PTCHD4: variants seen among roughly 807,000 people sequenced by gnomAD.
PTCHD4 encodes the protein patched domain-containing protein 4.
A neutral mutation model predicts 58.1 loss-of-function variants in PTCHD4; 33 were observed. The ratio of observed to expected loss-of-function variants is 0.57; its 90% CI spans 0.43 to 0.76. The LOEUF (loss-of-function observed/expected upper bound fraction) is 0.76. Ranked by LOEUF, PTCHD4 falls within the 30% of genes least tolerant of loss-of-function variation. PTCHD4 has a pLI of 0.00. For synonymous variants in PTCHD4, 478 were observed against 409.6 expected, an observed-to-expected ratio of 1.17 and a Z score of -2.02; for missense variants, 1,058 against 1,027.1, an observed-to-expected ratio of 1.03 and a Z score of -0.41.
chr6:47,949,508 C>G (rs1174586152), intron 4 of PTCHD4, among the ~76,000 whole-genome samples: 2 of 152,148 alleles, frequency 1.3e-5, no homozygotes, highest in Admixed American at 6.6e-5. Context: ...AATGCAAAGC[C>G]ACAAGCGGGA....
intron 3 of PTCHD4, among the ~76,000 whole-genome samples, chr6:48,043,703 A>G (rs1763929119): frequency 6.6e-6 from 1 of 151,846 alleles, no homozygotes; most frequent in Non-Finnish European, 1.5e-5. Flanking sequence ...GCCACCAAAA[A>G]TAGGTGCCAA....
At chr6:47,954,003 C>A (rs1235863158) in intron 4 of PTCHD4, among the ~76,000 whole-genome samples, 1 of 152,130 alleles carries the variant, frequency 6.6e-6, no homozygotes, top group African/African-American at 2.4e-5. Flanking sequence ...ATCTCTTCCA[C>A]TTTACTACTG....
rs568210104 is a variant in PTCHD4, at chr6:47,903,552, C to T, written c.899-23616G>A. On this transcript the variant is annotated intron_variant, in intron 4 of 4. Transcript: ENST00000339488. The stretch of plus-strand genomic sequence containing the variant: ...CTAGTCTCAAACTCCTGGGCCCAAG[C>T]GATCTGGCTGCCTTGGCCTCCGAAG... Among the ~76,000 whole-genome samples the T allele has an allele frequency of 5.6e-4, 85 of 152,142 alleles. 2 individuals are homozygous for T. In the South Asian group the frequency reaches 0.017, roughly 30 times the overall value.
At chr6:47,899,286 C>CA (rs1392014775) in intron 4 of PTCHD4, among the ~76,000 whole-genome samples, 1 of 152,172 alleles carries the variant, frequency 6.6e-6, no homozygotes, top group East Asian at 1.9e-4. Context: ...TCTTTTTTCC[C>CA]AAATACCTGA....
chr6:47,882,656 G>A (rs1274084888), intron 4 of PTCHD4, among the ~76,000 whole-genome samples: 1 of 147,430 alleles, frequency 6.8e-6, no homozygotes, highest in East Asian at 2.0e-4. Flanking sequence ...CTCAATTCTG[G>A]TCATATTAAA....
chr6:48,080,070 G>A (rs554726793), intron 1 of PTCHD4, among the ~76,000 whole-genome samples: 1 of 139,730 alleles, frequency 7.2e-6, no homozygotes, highest in South Asian at 2.3e-4. Flanking sequence ...AGCAGAATCA[G>A]CAGATGACTT....
chr6:47,899,189 T>G (rs1764621456), intron 4 of PTCHD4, among the ~76,000 whole-genome samples: 1 of 152,218 alleles, frequency 6.6e-6, no homozygotes, highest in Non-Finnish European at 1.5e-5. Context: ...TCCCATGTAA[T>G]GCATAGTTAG....
intron 4 of PTCHD4, among the ~76,000 whole-genome samples, chr6:47,953,981 T>G (rs1325270022): frequency 6.6e-6 from 1 of 152,230 alleles, no homozygotes; most frequent in East Asian, 1.9e-4. Flanking sequence ...AAACATGTCC[T>G]ATTTTGACAT....
At position 47,981,992 on chromosome 6, in the gene PTCHD4, G is replaced by T. The variant is rs567656648; in HGVS notation, c.898+26642C>A. On this transcript the variant is annotated intron_variant, in intron 4 of 4. Coordinates refer to ENST00000339488, the MANE Select transcript of PTCHD4 (RefSeq NM_001384253.1). ...CATTCCTCTGACTCTCCCAAGACTTGCCACGACTTCTGCATCTCATCCCTC... is the reference window on the plus strand; with the variant it reads ...CATTCCTCTGACTCTCCCAAGACTTTCCACGACTTCTGCATCTCATCCCTC... 2.6e-4 allele frequency among the ~76,000 whole-genome samples: 40 copies of T among 152,236 alleles called. 1 individual carries two copies. The highest frequency in any genetic ancestry group is 9.6e-4 in the African/African-American group (40 of 41,528).
intron 4 of PTCHD4, among the ~76,000 whole-genome samples, chr6:47,942,841 C>T (rs1041591037): frequency 5.9e-5 from 9 of 152,190 alleles, no homozygotes; most frequent in African/African-American, 2.2e-4. Context: ...AAAACGATTC[C>T]CTCTGGTTTC....
At chr6:47,990,714 T>A (rs958817254) in intron 4 of PTCHD4, among the ~76,000 whole-genome samples, 1 of 152,178 alleles carries the variant, frequency 6.6e-6, no homozygotes, top group Non-Finnish European at 1.5e-5. Context: ...ATCAGCAGTA[T>A]GAAAATGGAC....
intron 4 of PTCHD4, among the ~76,000 whole-genome samples, chr6:47,982,583 G>A (rs1337954861): frequency 1.3e-5 from 2 of 151,274 alleles, no homozygotes; most frequent in East Asian, 2.0e-4. Context: ...CCGCCTCCCG[G>A]GTTCACGCCA....
At chr6:47,979,864 C>T (rs1767817531) in intron 4 of PTCHD4, among the ~76,000 whole-genome samples, 1 of 152,002 alleles carries the variant, frequency 6.6e-6, no homozygotes, top group Non-Finnish European at 1.5e-5. Context: ...GACCACTGCT[C>T]ATTCATATAG....
At position 48,008,995 on chromosome 6, in the gene PTCHD4, A is replaced by G; in HGVS notation, c.537T>C (p.Tyr179=). 1.9e-6 allele frequency: 3 copies of G among 1,613,974 alleles called. No homozygotes were observed. Among genetic ancestry groups the G allele is most frequent in the Non-Finnish European group, 2.5e-6 (3 of 1,179,890 alleles). ...CTATGAGGTCTTGGGTGGCAGAGCC[A>G]TAGGTCTGGAGGTAGTAGGTGATTT... ...AIQITYYLQT[Y]GSATQDLIGE... is the part of the protein sequence containing the mutation. The change falls in exon 4 of 5, where the codon TAT becomes TAC. Residue 179 remains tyrosine, a synonymous_variant. Transcript: ENST00000339488.
intron 3 of PTCHD4, among the ~76,000 whole-genome samples, chr6:48,024,469 A>G (rs544671441): frequency 1.3e-5 from 2 of 152,256 alleles, no homozygotes; most frequent in South Asian, 4.1e-4. Flanking sequence ...AACCTAAAAA[A>G]GTTGGTTCAA....
At chr6:47,901,994 C>A (rs1449969988) in intron 4 of PTCHD4, 76 of 1,099,314 alleles carry the variant, frequency 6.9e-5, no homozygotes, top group Non-Finnish European at 9.2e-5. Flanking sequence ...TAGCCTCACT[C>A]ATATTTCCCA....
chr6:48,051,375 C>A (rs1764228809), intron 3 of PTCHD4, among the ~76,000 whole-genome samples: 1 of 151,898 alleles, frequency 6.6e-6, no homozygotes, highest in Non-Finnish European at 1.5e-5. Context: ...ACCATCTTAG[C>A]TGTGGATGCT....
chr6:48,007,815 A>T (rs79590679), intron 4 of PTCHD4, among the ~76,000 whole-genome samples: 9,200 of 152,184 alleles, frequency 0.06, 383 homozygotes, highest in African/African-American at 0.11. Flanking sequence ...CCTCTTGCTG[A>T]ACCAACAGCT....
Position 47,920,543 on chromosome 6 carries a change from T to C in PTCHD4, c.899-40607A>G, listed in dbSNP as rs374537782. The stretch of plus-strand genomic sequence containing the variant: ...GAGAAAGAAGAGTTCAAGATAAAAA[T>C]TGAAATTGTCATCCAATATTGGATG... On this transcript the variant is annotated intron_variant, in intron 4 of 4. Transcript: ENST00000339488. Among the ~76,000 whole-genome samples, 8 of 152,260 alleles carry C rather than the reference T, an allele frequency of 5.3e-5. 1 individual carries two copies. In the East Asian group the frequency reaches 9.7e-4, roughly 18 times the overall value.
Sources: allele counts gnomAD v4.1 joint callset (sites outside exome capture counted in the v4.1 genomes callset), GRCh38; gene constraint gnomAD v4.1.1; transcripts MANE v1.5; gene names NCBI Gene and HGNC (gene_info 2026-07-23, HGNC 2026-07-21).